The following TNRC6A variants were observed in gnomAD, a reference collection of about 807,000 sequenced individuals.
The protein encoded by TNRC6A is trinucleotide repeat-containing gene 6A protein.
In TNRC6A, 44 loss-of-function variants were observed where a neutral mutation model predicts 221.2. The ratio of observed to expected loss-of-function variants is 0.20; its 90% CI spans 0.16 to 0.26. The LOEUF (loss-of-function observed/expected upper bound fraction) is 0.26, where lower values mean the gene tolerates loss of function less well. TNRC6A is among the 10% of genes least tolerant of loss of function. The pLI is 1.00. For missense variants in TNRC6A, 2,199 were observed against 2,404.4 expected (o/e 0.91, Z 1.79); for synonymous variants, 847 against 838.5 (o/e 1.01, Z -0.18).
intron 2 of TNRC6A, among the ~76,000 whole-genome samples, chr16:24,695,397 TA>T (rs1050780923): frequency 2.0e-5 from 3 of 152,178 alleles, no homozygotes; most frequent in Admixed American, 6.6e-5. Flanking sequence ...TATACATATA[TA>T]TATTTTTTGT....
intron 2 of TNRC6A, among the ~76,000 whole-genome samples, chr16:24,654,712 T>C (rs571460514): frequency 1.3e-4 from 19 of 151,382 alleles, no homozygotes; most frequent in African/African-American, 3.9e-4. Flanking sequence ...GAGTGAGACT[T>C]CTTCTCAAAA....
chr16:24,669,832 T>C (rs1240018576), intron 2 of TNRC6A, among the ~76,000 whole-genome samples: 2 of 151,802 alleles, frequency 1.3e-5, no homozygotes, highest in African/African-American at 4.8e-5. Flanking sequence ...GTAGTTGTTA[T>C]AGTAATAATA....
At chr16:24,629,299 T>G (rs1409210383) in intron 1 of TNRC6A, among the ~76,000 whole-genome samples, 2 of 152,234 alleles carry the variant, frequency 1.3e-5, no homozygotes, top group Non-Finnish European at 2.9e-5. Context: ...GCTTCAAACA[T>G]CTGACAAGGC....
At chr16:24,736,007 A>T (rs935445128) in intron 2 of TNRC6A, among the ~76,000 whole-genome samples, 5 of 152,158 alleles carry the variant, frequency 3.3e-5, no homozygotes, top group Non-Finnish European at 7.4e-5. Context: ...TTTACTAAAA[A>T]TACCAAAATT....
At chr16:24,775,213 C>G (rs1290127249) in intron 4 of TNRC6A, among the ~76,000 whole-genome samples, 1 of 152,074 alleles carries the variant, frequency 6.6e-6, no homozygotes, top group Admixed American at 6.5e-5. Context: ...GTCTGGGAGA[C>G]AAAATTTTCA....
upstream of TNRC6A, among the ~76,000 whole-genome samples, chr16:24,728,372 G>C (rs555958667): frequency 1.2e-4 from 18 of 152,196 alleles, no homozygotes; most frequent in African/African-American, 4.3e-4. Flanking sequence ...GCTTGAACTC[G>C]GGAGGCGGAG....
intron 1 of TNRC6A, among the ~76,000 whole-genome samples, chr16:24,639,347 G>T (rs1184454356): frequency 6.6e-6 from 1 of 152,040 alleles, no homozygotes; most frequent in Non-Finnish European, 1.5e-5. Flanking sequence ...AAGAAAATTA[G>T]CCAGGCATAG....
At chr16:24,729,273 A>G (rs980022865), upstream of TNRC6A, among the ~76,000 whole-genome samples, 4 of 149,644 alleles carry the variant, frequency 2.7e-5, no homozygotes, top group African/African-American at 7.4e-5. Context: ...ATCAGGCTGC[A>G]GTTGGGGTAA....
chr16:24,621,520 A>G (rs1900674730), intron 1 of TNRC6A, among the ~76,000 whole-genome samples: 1 of 151,652 alleles, frequency 6.6e-6, no homozygotes, highest in African/African-American at 2.4e-5. Context: ...ACCACACCCA[A>G]CTAATTTTTG....
At chr16:24,804,579 C>CTGTTTTCTA in intron 12 of TNRC6A, 126 bp from the exon 13 acceptor site, 1 of 1,387,208 alleles carries the variant, frequency 7.2e-7, no homozygotes, top group Non-Finnish European at 9.7e-7. Flanking sequence ...CCGATCTCTT[C>CTGTTTTCTA]TGTTTTCTAC....
At chr16:24,807,148 GGC>G (rs2058450772) in intron 17 of TNRC6A, among the ~76,000 whole-genome samples, 1 of 151,934 alleles carries the variant, frequency 6.6e-6, no homozygotes, top group Admixed American at 6.6e-5. Flanking sequence ...TGGGATTACA[GGC>G]GCGCACCACC....
At chr16:24,680,367 G>C (rs1722199614) in intron 2 of TNRC6A, among the ~76,000 whole-genome samples, 1 of 151,736 alleles carries the variant, frequency 6.6e-6, no homozygotes, top group Admixed American at 6.6e-5. Context: ...GCTATGGTGA[G>C]CCATGATCAC....
At chr16:24,613,930 C>T (rs1002180615) in intron 1 of TNRC6A, among the ~76,000 whole-genome samples, 1 of 152,188 alleles carries the variant, frequency 6.6e-6, no homozygotes, top group African/African-American at 2.4e-5. Flanking sequence ...GCATTACAGA[C>T]CACCTCAAAG....
intron 1 of TNRC6A, among the ~76,000 whole-genome samples, chr16:24,639,617 A>G (rs1055963334): frequency 1.3e-5 from 2 of 152,156 alleles, no homozygotes; most frequent in African/African-American, 4.8e-5. Context: ...CCAACTACTT[A>G]CTAAATACCT....
intron 1 of TNRC6A, among the ~76,000 whole-genome samples, chr16:24,627,381 G>C (rs915727796): frequency 5.9e-5 from 9 of 152,020 alleles, no homozygotes; most frequent in African/African-American, 1.9e-4. Context: ...GTAGCTCTGG[G>C]GTCTTCATCC....
chr16:24,754,498 A>G (rs1212597503), intron 3 of TNRC6A, among the ~76,000 whole-genome samples: 4 of 152,128 alleles, frequency 2.6e-5, no homozygotes, highest in Non-Finnish European at 5.9e-5. Context: ...AACCAGGGCT[A>G]TTATTTTCTG....
intron 3 of TNRC6A, among the ~76,000 whole-genome samples, chr16:24,756,459 C>T (rs2057253257): frequency 6.6e-6 from 1 of 152,212 alleles, no homozygotes; most frequent in Non-Finnish European, 1.5e-5. Context: ...TTCTATACTA[C>T]TACTTTCATT....
chr16:24,687,849 A>AGAAGAAGAAGAAGAAGAAGAAGAAGAG (rs1567356984), intron 2 of TNRC6A, among the ~76,000 whole-genome samples: 25 of 130,126 alleles, frequency 1.9e-4, no homozygotes, highest in African/African-American at 7.7e-4. Context: ...AAGAGGAAGA[A>AGAAGAAGAAGAAGAAGAAGAAGAAGAG]GAAGAAGAAG....
intron 9 of TNRC6A, among the ~76,000 whole-genome samples, chr16:24,796,589 G>A (rs577738181): frequency 1.1e-4 from 17 of 152,164 alleles, no homozygotes; most frequent in Non-Finnish European, 1.9e-4. Context: ...TAGGTATGGG[G>A]ATGGATGGGG....
Sources: allele counts gnomAD v4.1 joint callset (sites outside exome capture counted in the v4.1 genomes callset), GRCh38; gene constraint gnomAD v4.1.1; transcripts MANE v1.5; gene names NCBI Gene and HGNC (gene_info 2026-07-23, HGNC 2026-07-21).